The following C2orf42 variants were observed in gnomAD, a reference collection of about 807,000 sequenced individuals.
C2orf42 encodes chromosome 2 open reading frame 42.
In C2orf42, 44 loss-of-function variants were observed where a neutral mutation model predicts 58.9. The observed-to-expected ratio is 0.75, with a 90% CI of 0.59 to 0.96. The LOEUF (loss-of-function observed/expected upper bound fraction) is 0.96, where lower values mean the gene tolerates loss of function less well. Among genes scored for constraint, C2orf42 ranks in the 40% least tolerant of loss-of-function variants. C2orf42 has a pLI of 0.00. For missense variants in C2orf42, 630 were observed against 699.2 expected (o/e 0.90, Z 1.12); for synonymous variants, 239 against 265.4 (o/e 0.90, Z 0.97).
At chr2:70,174,501 T>G (rs1197149521) in intron 5 of C2orf42, among the ~76,000 whole-genome samples, 1 of 152,092 alleles carries the variant, frequency 6.6e-6, no homozygotes, top group Non-Finnish European at 1.5e-5. Context: ...CTTATTCACA[T>G]CTCACCAGCT....
At chr2:70,167,648 C>T (rs116879987) in intron 6 of C2orf42, among the ~76,000 whole-genome samples, 3,780 of 151,298 alleles carry the variant, frequency 0.025, 352 homozygotes, top group Admixed American at 0.17. Flanking sequence ...GGCTGAAACA[C>T]GAGAATTTCT....
rs781449735 is a variant in C2orf42, at chr2:70,181,671, C to A, written c.315G>T (p.Thr105=). The change falls in exon 3 of 10, where the codon ACG becomes ACT. Residue 105 remains threonine (T), a synonymous_variant. Coordinates refer to ENST00000264434, the MANE Select transcript of C2orf42 (RefSeq NM_017880.3). ...SETTIQTVDG[T]IITQLSSGRC... is the part of the protein sequence containing the mutation. Reference sequence around the variant, plus strand: ...GTCCAGAGCTCAGCTGAGTGATGATCGTCCCATCCACTGTCTGGATTGTTG... The same window carrying A: ...GTCCAGAGCTCAGCTGAGTGATGATAGTCCCATCCACTGTCTGGATTGTTG... 1 of 1,614,136 alleles carries A rather than the reference C, an allele frequency of 6.2e-7. No individual in the cohort carries two copies. Among genetic ancestry groups the A allele is most frequent in the Non-Finnish European group, 8.5e-7 (1 of 1,180,016 alleles).
At chr2:70,163,365 C>T (rs1673185070) in intron 8 of C2orf42, among the ~76,000 whole-genome samples, 1 of 151,826 alleles carries the variant, frequency 6.6e-6, no homozygotes. Flanking sequence ...CTGACTCAGC[C>T]TCCCGAGTAG....
At chr2:70,166,624 C>T (rs985533726) in intron 6 of C2orf42, among the ~76,000 whole-genome samples, 30 of 151,446 alleles carry the variant, frequency 2.0e-4, no homozygotes, top group African/African-American at 6.8e-4. Flanking sequence ...TGCAGTGAGC[C>T]GAGATCATGC....
Position 70,173,983 on chromosome 2 carries a change from C to T in C2orf42, c.1039+1690G>A, listed in dbSNP as rs139344851. Reference sequence around the variant, plus strand: ...ATGAACACATCCTGCAAGACACCTGCTGCTAAACATGTCAGAATTTTTTTG... The same window carrying T: ...ATGAACACATCCTGCAAGACACCTGTTGCTAAACATGTCAGAATTTTTTTG... On this transcript the variant is annotated intron_variant, in intron 5 of 9. Coordinates refer to ENST00000264434, the MANE Select transcript of C2orf42 (RefSeq NM_017880.3). 3.9e-3 allele frequency among the ~76,000 whole-genome samples: 587 copies of T among 152,220 alleles called. 5 individuals carry two copies. Among genetic ancestry groups the T allele is most frequent in the Middle Eastern group, 0.02 (6 of 294 alleles).
chr2:70,161,189 C>T (rs889948368), intron 8 of C2orf42, among the ~76,000 whole-genome samples: 1 of 152,168 alleles, frequency 6.6e-6, no homozygotes. Context: ...CTGTATGCTT[C>T]ATACTGTCCT....
At chr2:70,171,547 G>T (rs907421954) in intron 5 of C2orf42, among the ~76,000 whole-genome samples, 5 of 151,992 alleles carry the variant, frequency 3.3e-5, no homozygotes, top group Non-Finnish European at 7.4e-5. Flanking sequence ...GTCTTGCTCT[G>T]TTGCCCAGGC....
At chr2:70,153,961 G>C (rs1282252045) in intron 9 of C2orf42, among the ~76,000 whole-genome samples, 1 of 151,568 alleles carries the variant, frequency 6.6e-6, no homozygotes, top group East Asian at 2.0e-4. Context: ...GCTGAGGCAG[G>C]AGAATCGCTT....
In C2orf42 at chr2:70,181,722, G is replaced by C; in HGVS notation, c.264C>G (p.Cys88Trp). Residue 88 changes from cysteine (C) to tryptophan (W), a missense_variant, in exon 3 of 10, where the codon TGC (cysteine) becomes TGG (tryptophan). Physicochemically the swap from Cys to Trp is radical, Grantham distance 215. Coordinates refer to ENST00000264434, the MANE Select transcript of C2orf42 (RefSeq NM_017880.3). ...TCTCTGAAACCCCGAGCTCCACAAAGCATCGGTAATCAGGGCCCCGGTCTC... is the reference window on the plus strand; with the variant it reads ...TCTCTGAAACCCCGAGCTCCACAAACCATCGGTAATCAGGGCCCCGGTCTC... ...RQRDRGPDYR[C>W]FVELGVSETT... is the part of the protein sequence containing the mutation. The C allele has an allele frequency of 6.2e-7, 1 of 1,614,178 alleles. No individual in the cohort carries two copies. The highest frequency in any genetic ancestry group is 8.5e-7 in the Non-Finnish European group (1 of 1,180,038).
rs934526509 is a variant in C2orf42 at position 70,153,515 on chromosome 2, C to T, written c.1517-2951G>A. Among the ~76,000 whole-genome samples, 12 of 151,168 alleles carry T rather than the reference C, an allele frequency of 7.9e-5. 1 individual carries two copies. The Middle Eastern group carries it at 0.01, about 129-fold the overall frequency. ...CTGGGACTACAGGCGCCCGCCACCA[C>T]GCCCAGCTAATTTTTTTGTATTTTT... On this transcript the variant is annotated intron_variant, in intron 9 of 9. Transcript: ENST00000264434.
intron 4 of C2orf42, among the ~76,000 whole-genome samples, chr2:70,177,063 G>C (rs1185126069): frequency 6.6e-6 from 1 of 152,078 alleles, no homozygotes; most frequent in African/African-American, 2.4e-5. Context: ...CCTGAAGTCA[G>C]GAGTTTGAGA....
At chr2:70,170,466 T>C (rs1187776816) in intron 5 of C2orf42, among the ~76,000 whole-genome samples, 2 of 151,950 alleles carry the variant, frequency 1.3e-5, no homozygotes, top group African/African-American at 4.8e-5. Flanking sequence ...CAGGCTGGTC[T>C]CAAACTCCTG....
At chr2:70,177,397 G>A (rs560049650) in intron 4 of C2orf42, among the ~76,000 whole-genome samples, 3 of 152,132 alleles carry the variant, frequency 2.0e-5, no homozygotes, top group African/African-American at 4.8e-5. Flanking sequence ...CCAAGATCAC[G>A]CCACTGCACA....
At chr2:70,173,258 G>A (rs995973397) in intron 5 of C2orf42, among the ~76,000 whole-genome samples, 7 of 149,870 alleles carry the variant, frequency 4.7e-5, no homozygotes, top group Non-Finnish European at 5.9e-5. Context: ...ATGCCTAAGT[G>A]CGTAAGTTCT....
At chr2:70,158,307 A>C (rs1672815957) in intron 9 of C2orf42, among the ~76,000 whole-genome samples, 1 of 152,152 alleles carries the variant, frequency 6.6e-6, no homozygotes, top group African/African-American at 2.4e-5. Context: ...AACTAATTTG[A>C]AATTTTAAAT....
At chr2:70,172,552 G>T (rs1673898375) in intron 5 of C2orf42, among the ~76,000 whole-genome samples, 1 of 152,052 alleles carries the variant, frequency 6.6e-6, no homozygotes, top group Admixed American at 6.6e-5. Context: ...GGTGGCATGT[G>T]CCTGTAGTCC....
At chr2:70,171,571 C>T (rs1349845981) in intron 5 of C2orf42, among the ~76,000 whole-genome samples, 1 of 151,986 alleles carries the variant, frequency 6.6e-6, no homozygotes, top group Non-Finnish European at 1.5e-5. Flanking sequence ...AGTGCAGTGG[C>T]ATGATCTCAG....
chr2:70,181,785 A>T lies in C2orf42; in HGVS notation c.201T>A (p.Ile67=). Residue 67 remains isoleucine, a synonymous_variant, in exon 3 of 10, where the codon ATT becomes ATA. Coordinates refer to ENST00000264434, the MANE Select transcript of C2orf42 (RefSeq NM_017880.3). The part of the protein sequence containing the change: ...KQPSVEAVKI[I]TGSDLQVYSV... ...AGTAGACCTGAAGATCAGAGCCTGT[A>T]ATGATTTTGACAGCTTCAACACTAG... The T allele has an allele frequency of 6.2e-7, 1 of 1,614,126 alleles. No homozygotes were observed. The highest frequency in any genetic ancestry group is 1.3e-5 in the African/African-American group (1 of 75,034).
chr2:70,163,969 A>C (rs546898978), intron 8 of C2orf42, among the ~76,000 whole-genome samples: 1 of 152,158 alleles, frequency 6.6e-6, no homozygotes, highest in Admixed American at 6.6e-5. Context: ...CAGGAATTTG[A>C]GACCAGCCTG....
Sources: gnomAD v4.1 joint callset for allele counts (sites outside exome capture counted in the v4.1 genomes callset) on GRCh38, gnomAD v4.1.1 for gene constraint, MANE v1.5 for transcripts, NCBI Gene and HGNC (gene_info 2026-07-23, HGNC 2026-07-21) for gene names.